Variants in RUFY1 observed in about 807,000 individuals in gnomAD.
RUFY1 encodes the protein RUN and FYVE domain-containing protein 1.
In RUFY1, 54 loss-of-function variants were observed where a neutral mutation model predicts 94.6. That is an observed-to-expected ratio of 0.57 (90% CI 0.46 to 0.72). RUFY1 has a LOEUF of 0.72. Among genes scored for constraint, RUFY1 ranks in the 30% least tolerant of loss-of-function variants. The pLI, the probability that RUFY1 is intolerant of heterozygous loss-of-function variation, is 0.00. For missense variants in RUFY1, 883 were observed against 883.9 expected (o/e 1.00, Z 0.01); for synonymous variants, 396 against 347.3 (o/e 1.14, Z -1.56).
intron 8 of RUFY1, chr5:179,589,329 G>C (rs1018334737): frequency 4.0e-6 from 2 of 498,068 alleles, no homozygotes; most frequent in African/African-American, 3.9e-5. Flanking sequence ...AGAGGGCAGA[G>C]ATGGCTAGGG....
At chr5:179,590,506 A>G (rs542741231) in intron 9 of RUFY1, among the ~76,000 whole-genome samples, 1 of 151,344 alleles carries the variant, frequency 6.6e-6, no homozygotes, top group South Asian at 2.1e-4. Context: ...TTGTTTCTAG[A>G]CAGAGTCTCC....
chr5:179,607,899 G>A (rs1488260983), intron 17 of RUFY1, among the ~76,000 whole-genome samples: 1 of 152,230 alleles, frequency 6.6e-6, no homozygotes, highest in Non-Finnish European at 1.5e-5. Context: ...CATCCTTTCA[G>A]TGATTGACAA....
At chr5:179,572,477 A>G in intron 5 of RUFY1, 1 of 189,512 alleles carries the variant, frequency 5.3e-6, no homozygotes, top group South Asian at 8.4e-5. Context: ...ATGTGACGGG[A>G]AGCTTGTCTG....
intron 8 of RUFY1, 76 bp downstream of exon 8, chr5:179,585,941 G>T: frequency 8.7e-7 from 1 of 1,145,014 alleles, no homozygotes; most frequent in Non-Finnish European, 1.3e-6. Context: ...GTCGGTCTGC[G>T]ATAGCAGAGC....
At position 179,550,581 on chromosome 5, in the gene RUFY1, G is replaced by C; in HGVS notation, c.12G>C (p.Arg4=). 1 of 1,065,434 alleles carries C rather than the reference G, an allele frequency of 9.4e-7. No individual in the cohort carries two copies. The highest frequency in any genetic ancestry group is 4.3e-5 in the African/African-American group (1 of 23,150). The allele number at this position is 1,065,434 out of a possible 1,614,324, so 66.0% of individuals were successfully genotyped here. The change falls in exon 1 of 18, where the codon CGG becomes CGC. Residue 4 remains arginine (R), a synonymous_variant. Coordinates refer to ENST00000319449, the MANE Select transcript of RUFY1 (RefSeq NM_025158.5). ...ATGACACGGCCAAGATGGCCGACCG[G>C]GAAGGCGGCTGCGCTGCTGGGCGGG... MAD[R]EGGCAAGRGR...
intron 1 of RUFY1, among the ~76,000 whole-genome samples, chr5:179,554,044 T>G (rs1364504238): frequency 2.0e-5 from 3 of 152,148 alleles, no homozygotes; most frequent in Admixed American, 2.0e-4. Flanking sequence ...TGACACCACT[T>G]CAGCCAGGGC....
In RUFY1 at chr5:179,550,946, G is replaced by C. The variant is rs1761806466; in HGVS notation, c.310+67G>C. 1.7e-5 allele frequency: 17 copies of C among 1,014,658 alleles called. 1 individual carries two copies. Among genetic ancestry groups the C allele is most frequent in the South Asian group, 4.6e-5 (1 of 21,732 alleles). 62.9% of individuals were successfully genotyped at this position (1,014,658 alleles called of 1,614,324 possible). Reference sequence around the variant, plus strand: ...CCCCGCTGGCCGCCGGCGCGGGCGCGGTGGGGGCCGGGCTGGGAGGGCACT... The same window carrying C: ...CCCCGCTGGCCGCCGGCGCGGGCGCCGTGGGGGCCGGGCTGGGAGGGCACT... On this transcript the variant is annotated intron_variant, in intron 1 of 17. Coordinates refer to ENST00000319449, the MANE Select transcript of RUFY1 (RefSeq NM_025158.5).
Position 179,565,879 on chromosome 5 carries a change from C to T in RUFY1, c.603-1582C>T, listed in dbSNP as rs375616842. Among the ~76,000 whole-genome samples, 357 of 152,184 alleles carry T rather than the reference C, an allele frequency of 2.3e-3. 2 individuals carry two copies. The highest frequency in any genetic ancestry group is 0.023 in the South Asian group (109 of 4,824). On this transcript the variant is annotated intron_variant, in intron 3 of 17. Coordinates refer to ENST00000319449, the MANE Select transcript of RUFY1 (RefSeq NM_025158.5). ...ACAGTTGGCCAGGCACAGCAGCTCA[C>T]GCCTATAATCCCAACACTTTGAGAG...
intron 14 of RUFY1, among the ~76,000 whole-genome samples, chr5:179,600,856 C>T (rs1766300058): frequency 6.6e-6 from 1 of 151,660 alleles, no homozygotes; most frequent in Non-Finnish European, 1.5e-5. Context: ...GCCACCATGC[C>T]CTGCTAATTT....
rs576148631 is a variant in RUFY1, at chr5:179,556,409, A to C, written c.311-3616A>C. Among the ~76,000 whole-genome samples the C allele has an allele frequency of 6.6e-5, 10 of 152,224 alleles. No homozygotes were observed. The East Asian group carries it at 1.9e-3, about 29-fold the overall frequency. Reference sequence around the variant, plus strand: ...AAGTGTATAAAAATTTTTCTTCTGGAGTGAATTATCATTAAGTTTATTAGT... The same window carrying C: ...AAGTGTATAAAAATTTTTCTTCTGGCGTGAATTATCATTAAGTTTATTAGT... On this transcript the variant is annotated intron_variant, in intron 1 of 17. Coordinates refer to ENST00000319449, the MANE Select transcript of RUFY1 (RefSeq NM_025158.5).
chr5:179,582,122 G>A (rs1764210616), intron 7 of RUFY1, among the ~76,000 whole-genome samples: 1 of 152,014 alleles, frequency 6.6e-6, no homozygotes, highest in Non-Finnish European at 1.5e-5. Flanking sequence ...TGTAATCATG[G>A]TTTTCATCCC....
chr5:179,608,321 C>T (rs893325338), intron 17 of RUFY1: 9 of 985,594 alleles, frequency 9.1e-6, no homozygotes, highest in Non-Finnish European at 1.1e-5. Flanking sequence ...ACAGCTACCC[C>T]ACCCGCTCCC....
At chr5:179,582,814 G>A (rs1256981015) in intron 7 of RUFY1, among the ~76,000 whole-genome samples, 1 of 152,120 alleles carries the variant, frequency 6.6e-6, no homozygotes, top group African/African-American at 2.4e-5. Flanking sequence ...TTGCACTCCA[G>A]CCTGGGCAAC....
intron 7 of RUFY1, among the ~76,000 whole-genome samples, 168 bp from the exon 8 acceptor site, chr5:179,585,627 GT>G (rs1764546162): frequency 2.0e-5 from 3 of 152,132 alleles, no homozygotes; most frequent in Admixed American, 2.0e-4. Context: ...TTATTGAAAA[GT>G]ATGTTGCAAA....
chr5:179,580,496 C>G (rs1452917045), intron 6 of RUFY1, among the ~76,000 whole-genome samples: 1 of 151,664 alleles, frequency 6.6e-6, no homozygotes, highest in Non-Finnish European at 1.5e-5. Context: ...CCCACCTTGG[C>G]CTTCAAAAGT....
At chr5:179,594,304 GA>G (rs34687575) in intron 11 of RUFY1, among the ~76,000 whole-genome samples, 23,336 of 142,502 alleles carry the variant, frequency 0.16, 1,872 homozygotes, top group South Asian at 0.23. Context: ...CAACTCGGGG[GA>G]AAAAAAAAAA....
chr5:179,596,253 C>T (rs1581534957), intron 12 of RUFY1: 2 of 413,686 alleles, frequency 4.8e-6, no homozygotes, highest in South Asian at 2.2e-5. Flanking sequence ...ATCTCCAAGA[C>T]ATTATTCTGA....
intron 7 of RUFY1, among the ~76,000 whole-genome samples, chr5:179,582,035 G>A (rs1764202453): frequency 6.6e-6 from 1 of 151,900 alleles, no homozygotes; most frequent in Admixed American, 6.6e-5. Context: ...GAGTTTTTTG[G>A]TCGATTACTA....
chr5:179,607,677 C>G lies in RUFY1; in HGVS notation c.1983+18C>G. The stretch of plus-strand genomic sequence containing the variant: ...GGAGAAAGGTACGTGGGGGCTCCAC[C>G]CACCCTCCCAGTGCCCTGAGTCGTT... On this transcript the variant is annotated intron_variant, in intron 17 of 17. Transcript: ENST00000319449. The G allele has an allele frequency of 1.2e-6, 2 of 1,606,524 alleles. No homozygotes were observed. Among genetic ancestry groups the G allele is most frequent in the Non-Finnish European group, 1.7e-6 (2 of 1,173,580 alleles).
Sources: gnomAD v4.1 joint callset for allele counts (sites outside exome capture counted in the v4.1 genomes callset) on GRCh38, gnomAD v4.1.1 for gene constraint, MANE v1.5 for transcripts, NCBI Gene and HGNC (gene_info 2026-07-23, HGNC 2026-07-21) for gene names.